Variants in TMCC1 observed in about 807,000 individuals in gnomAD.
TMCC1 encodes the protein transmembrane and coiled-coil domains protein 1.
Under a neutral mutation model 52.4 loss-of-function variants are expected in TMCC1, and 15 were observed. The observed-to-expected ratio is 0.29, with a 90% CI of 0.19 to 0.44. The LOEUF (loss-of-function observed/expected upper bound fraction) is 0.44, where lower values mean the gene tolerates loss of function less well. TMCC1 is among the 20% of genes least tolerant of loss of function. The pLI is 1.00. For missense variants in TMCC1, 503 were observed against 806.0 expected (o/e 0.62, Z 4.55); for synonymous variants, 279 against 301.9 (o/e 0.92, Z 0.79).
intron 2 of TMCC1, among the ~76,000 whole-genome samples, chr3:129,859,371 C>T (rs985826495): frequency 1.9e-4 from 29 of 152,100 alleles, no homozygotes; most frequent in African/African-American, 5.8e-4. Context: ...TGATAGCTCA[C>T]GCGTTATCCC....
intron 4 of TMCC1, among the ~76,000 whole-genome samples, chr3:129,774,096 T>C (rs1417931592): frequency 6.6e-6 from 1 of 152,218 alleles, no homozygotes; most frequent in Non-Finnish European, 1.5e-5. Context: ...TATTTTCCAC[T>C]GAAAGAAACC....
chr3:129,668,964 A>G (rs1405580894), intron 5 of TMCC1, among the ~76,000 whole-genome samples: 1 of 152,192 alleles, frequency 6.6e-6, no homozygotes, highest in African/African-American at 2.4e-5. Context: ...AAAAATAGTA[A>G]TGTACAGTAT....
chr3:129,837,558 A>C (rs2059219049), intron 2 of TMCC1, among the ~76,000 whole-genome samples: 1 of 152,192 alleles, frequency 6.6e-6, no homozygotes, highest in African/African-American at 2.4e-5. Context: ...AGTCTTCAGT[A>C]AGCATATCAA....
chr3:129,731,982 C>G (rs1218902518), intron 4 of TMCC1, among the ~76,000 whole-genome samples: 1 of 152,176 alleles, frequency 6.6e-6, no homozygotes, highest in African/African-American at 2.4e-5. Context: ...GCCTACACAT[C>G]ACTTCATTCA....
At chr3:129,784,123 C>A (rs1347704183) in intron 4 of TMCC1, among the ~76,000 whole-genome samples, 1 of 151,954 alleles carries the variant, frequency 6.6e-6, no homozygotes, top group African/African-American at 2.4e-5. Context: ...AGAAGACAAG[C>A]AAAGTTTTGA....
chr3:129,731,272 C>G (rs1446701359), intron 4 of TMCC1, among the ~76,000 whole-genome samples: 3 of 152,166 alleles, frequency 2.0e-5, no homozygotes, highest in African/African-American at 7.2e-5. Flanking sequence ...AACAGCCACT[C>G]ATTATTAAAC....
At chr3:129,775,178 C>A (rs1029255420) in intron 4 of TMCC1, among the ~76,000 whole-genome samples, 1 of 152,050 alleles carries the variant, frequency 6.6e-6, no homozygotes, top group African/African-American at 2.4e-5. Flanking sequence ...GGTGTGGTGG[C>A]TCACATTTGT....
At chr3:129,863,637 G>A (rs375014769) in intron 2 of TMCC1, among the ~76,000 whole-genome samples, 8 of 152,176 alleles carry the variant, frequency 5.3e-5, no homozygotes, top group South Asian at 4.1e-4. Flanking sequence ...CGAGGCAGAC[G>A]GATCACCTGA....
chr3:129,793,768 T>A (rs2056632214), intron 4 of TMCC1, among the ~76,000 whole-genome samples: 1 of 152,230 alleles, frequency 6.6e-6, no homozygotes, highest in Admixed American at 6.5e-5. Context: ...CTGCTTTTCA[T>A]CAGAACTCTG....
chr3:129,885,196 T>C (rs1208349860), intron 1 of TMCC1, among the ~76,000 whole-genome samples: 1 of 151,942 alleles, frequency 6.6e-6, no homozygotes. Context: ...TTTCAAGAAA[T>C]CTGAAAAACA....
intron 4 of TMCC1, chr3:129,688,500 T>C (rs2089571276): frequency 1.0e-6 from 1 of 985,404 alleles, no homozygotes; most frequent in Non-Finnish European, 1.2e-6. Context: ...GAAGTGACTT[T>C]CACAAAACAG....
Position 129,759,808 on chromosome 3 carries a change from G to T in TMCC1, c.576+67995C>A, listed in dbSNP as rs1045473603. On this transcript the variant is annotated intron_variant, in intron 4 of 6. Transcript: ENST00000393238. The stretch of plus-strand genomic sequence containing the variant: ...GCCATCTCGGCTCACTGCAAGCTCC[G>T]CCTCCCGGGTTCACGCCATTCTCCT... Among the ~76,000 whole-genome samples the T allele has an allele frequency of 3.1e-5, 4 of 129,672 alleles. No homozygotes were observed. In the East Asian group the frequency reaches 1.0e-3, roughly 33 times the overall value. The allele number at this position is 129,672 out of a possible 152,430, so 85.1% of individuals were successfully genotyped here.
At chr3:129,801,727 G>A (rs150632734) in intron 4 of TMCC1, among the ~76,000 whole-genome samples, 11 of 152,278 alleles carry the variant, frequency 7.2e-5, no homozygotes, top group Non-Finnish European at 1.0e-4. Context: ...GAACCACCGC[G>A]CCCGGCCCAT....
chr3:129,846,364 T>C (rs1467531578), intron 2 of TMCC1, among the ~76,000 whole-genome samples: 1 of 152,206 alleles, frequency 6.6e-6, no homozygotes, highest in East Asian at 1.9e-4. Context: ...AAGTGAAACC[T>C]TAGCCATGTT....
intron 4 of TMCC1, among the ~76,000 whole-genome samples, chr3:129,684,669 T>C (rs1421843212): frequency 6.6e-6 from 1 of 152,242 alleles, no homozygotes; most frequent in Admixed American, 6.5e-5. Context: ...GATTTCAGTT[T>C]TTCTGATAAA....
chr3:129,884,783 G>A (rs551380956), intron 1 of TMCC1, among the ~76,000 whole-genome samples: 21 of 152,142 alleles, frequency 1.4e-4, no homozygotes, highest in African/African-American at 3.4e-4. Context: ...AAAAAATGGT[G>A]GTCAATATAT....
chr3:129,686,983 C>T (rs970200866), intron 4 of TMCC1, among the ~76,000 whole-genome samples: 1 of 152,156 alleles, frequency 6.6e-6, no homozygotes, highest in Non-Finnish European at 1.5e-5. Context: ...TTTATCTATT[C>T]ACTGCTTCTT....
At chr3:129,892,202 A>G (rs2061999896) in intron 1 of TMCC1, among the ~76,000 whole-genome samples, 1 of 152,248 alleles carries the variant, frequency 6.6e-6, no homozygotes, top group Non-Finnish European at 1.5e-5. Context: ...GCTGCTGATC[A>G]GCAATCTATA....
chr3:129,780,598 C>T (rs1482825377), intron 4 of TMCC1, among the ~76,000 whole-genome samples: 2 of 152,098 alleles, frequency 1.3e-5, no homozygotes, highest in Non-Finnish European at 2.9e-5. Flanking sequence ...TGAATTTACA[C>T]CCAATCCAAC....
Sources: allele counts gnomAD v4.1 joint callset (sites outside exome capture counted in the v4.1 genomes callset), GRCh38; gene constraint gnomAD v4.1.1; transcripts MANE v1.5; gene names NCBI Gene and HGNC (gene_info 2026-07-23, HGNC 2026-07-21).